Variants in NEGR1 observed in about 807,000 individuals in gnomAD.
NEGR1 encodes the protein IgLON family member 4.
Under a neutral mutation model 40.9 loss-of-function variants are expected in NEGR1, and 10 were observed. The ratio of observed to expected loss-of-function variants is 0.24; its 90% confidence interval spans 0.15 to 0.42. The LOEUF (loss-of-function observed/expected upper bound fraction) is 0.42, where lower values mean the gene tolerates loss of function less well. Among genes scored for constraint, NEGR1 ranks in the 10% least tolerant of loss-of-function variants. NEGR1 has a pLI of 1.00. For missense variants in NEGR1, 352 were observed against 438.9 expected, an observed-to-expected ratio of 0.80 and a Z score of 1.77; for synonymous variants, 185 against 166.8, an observed-to-expected ratio of 1.11 and a Z score of -0.84.
At chr1:72,140,374 T>A (rs1650627820) in intron 1 of NEGR1, among the ~76,000 whole-genome samples, 1 of 151,962 alleles carries the variant, frequency 6.6e-6, no homozygotes, top group Non-Finnish European at 1.5e-5. Flanking sequence ...GGCTAGGAAG[T>A]CCAATATCAA....
chr1:71,974,113 C>A (rs1484846006), intron 1 of NEGR1, among the ~76,000 whole-genome samples: 1 of 152,176 alleles, frequency 6.6e-6, no homozygotes, highest in Admixed American at 6.5e-5. Flanking sequence ...ACTGCAGATA[C>A]TCACACCATT....
At chr1:71,934,499 A>G (rs2801336) in intron 2 of NEGR1, among the ~76,000 whole-genome samples, 29,570 of 152,080 alleles carry the variant, frequency 0.19, 4,063 homozygotes, top group African/African-American at 0.39. Context: ...TTGTGACTTG[A>G]ATCAAAGTAA....
chr1:71,661,008 T>C (rs952831642), intron 4 of NEGR1, among the ~76,000 whole-genome samples: 3 of 152,226 alleles, frequency 2.0e-5, no homozygotes, highest in Non-Finnish European at 4.4e-5. Context: ...GCTTCATCCA[T>C]GTCCCTGCAA....
chr1:72,181,211 C>T (rs1266205226), intron 1 of NEGR1, among the ~76,000 whole-genome samples: 1 of 152,130 alleles, frequency 6.6e-6, no homozygotes, highest in Non-Finnish European at 1.5e-5. Flanking sequence ...ACAGTTGCAA[C>T]AACATGGGGC....
intron 1 of NEGR1, among the ~76,000 whole-genome samples, chr1:72,277,803 G>A (rs1390479198): frequency 6.6e-6 from 1 of 152,102 alleles, no homozygotes; most frequent in Admixed American, 6.6e-5. Context: ...AAGTTGAACT[G>A]TGTATTTGGA....
intron 2 of NEGR1, among the ~76,000 whole-genome samples, chr1:71,918,764 G>T (rs1396752357): frequency 6.6e-6 from 1 of 151,496 alleles, no homozygotes; most frequent in East Asian, 1.9e-4. Context: ...TTCATTCTTG[G>T]TCACTCAGGC....
At chr1:71,942,131 A>G (rs944146724) in intron 1 of NEGR1, among the ~76,000 whole-genome samples, 3 of 151,046 alleles carry the variant, frequency 2.0e-5, no homozygotes, top group African/African-American at 7.3e-5. Context: ...ATTTTGTTGG[A>G]AAAAGAATTC....
At chr1:71,850,130 T>C (rs886257856) in intron 2 of NEGR1, among the ~76,000 whole-genome samples, 2 of 135,624 alleles carry the variant, frequency 1.5e-5, no homozygotes, top group Admixed American at 7.2e-5. Flanking sequence ...TATAATCTAC[T>C]GTCTTTTTTT....
chr1:71,899,078 A>T (rs1176682388), intron 2 of NEGR1, among the ~76,000 whole-genome samples: 2 of 146,584 alleles, frequency 1.4e-5, no homozygotes, highest in East Asian at 4.0e-4. Flanking sequence ...CATGGAAAAG[A>T]TTCTGGGAAC....
chr1:71,771,466 C>T (rs1233796890), intron 3 of NEGR1, among the ~76,000 whole-genome samples: 7 of 151,702 alleles, frequency 4.6e-5, no homozygotes, highest in African/African-American at 1.5e-4. Context: ...AATGGAAGGC[C>T]GAGGCACGTG....
At chr1:71,876,746 G>A (rs943195719) in intron 2 of NEGR1, among the ~76,000 whole-genome samples, 5 of 152,126 alleles carry the variant, frequency 3.3e-5, no homozygotes, top group Non-Finnish European at 7.4e-5. Flanking sequence ...GCATGTCAGG[G>A]AGTGGAAGAA....
intron 4 of NEGR1, among the ~76,000 whole-genome samples, chr1:71,686,154 A>G (rs964743616): frequency 1.3e-5 from 2 of 152,148 alleles, no homozygotes; most frequent in African/African-American, 4.8e-5. Flanking sequence ...GCTTTTTATC[A>G]TTGCTTTCAG....
At chr1:71,918,564 C>T (rs1240202373) in intron 2 of NEGR1, among the ~76,000 whole-genome samples, 1 of 152,046 alleles carries the variant, frequency 6.6e-6, no homozygotes, top group Non-Finnish European at 1.5e-5. Context: ...CTTAAAGTAA[C>T]TATTCCAGGA....
intron 6 of NEGR1, among the ~76,000 whole-genome samples, chr1:71,475,926 T>C (rs1170573549): frequency 1.3e-5 from 2 of 152,038 alleles, no homozygotes; most frequent in Non-Finnish European, 2.9e-5. Context: ...TTCACTTGTA[T>C]AAAGCATTTA....
At chr1:71,600,469 T>C (rs1260281672) in intron 5 of NEGR1, among the ~76,000 whole-genome samples, 1 of 152,144 alleles carries the variant, frequency 6.6e-6, no homozygotes, top group Non-Finnish European at 1.5e-5. Context: ...GTAGCTTTCC[T>C]GGAGAAGGTG....
intron 6 of NEGR1, among the ~76,000 whole-genome samples, chr1:71,528,044 C>T (rs1265158413): frequency 1.3e-5 from 2 of 151,204 alleles, no homozygotes; most frequent in Non-Finnish European, 3.0e-5. Flanking sequence ...TTGGTTCAAA[C>T]GCTTTGCTAA....
At chr1:71,844,794 T>A (rs1659350261) in intron 2 of NEGR1, among the ~76,000 whole-genome samples, 2 of 152,122 alleles carry the variant, frequency 1.3e-5, no homozygotes, top group Admixed American at 6.6e-5. Context: ...ATGAGAGAAG[T>A]CAGATCACTA....
intron 2 of NEGR1, among the ~76,000 whole-genome samples, chr1:71,841,066 T>TTC (rs1466657315): frequency 4.5e-4 from 69 of 151,968 alleles, no homozygotes; most frequent in African/African-American, 1.5e-3. Context: ...GTATATCTCT[T>TTC]TCTCTCTCTC....
chr1:71,501,449 C>T (rs190067110), intron 6 of NEGR1, among the ~76,000 whole-genome samples: 1 of 152,186 alleles, frequency 6.6e-6, no homozygotes, highest in Admixed American at 6.5e-5. Flanking sequence ...ATATCATTTT[C>T]AGTGTAAAAT....
Sources: allele counts gnomAD v4.1 joint callset (sites outside exome capture counted in the v4.1 genomes callset), GRCh38; gene constraint gnomAD v4.1.1; transcripts MANE v1.5; gene names NCBI Gene and HGNC (gene_info 2026-07-23, HGNC 2026-07-21).